The following NME2 variants were observed in gnomAD, a reference collection of about 807,000 sequenced individuals.
NME2 encodes the protein NME/NM23 nucleoside diphosphate kinase 2.
A neutral mutation model predicts 17.8 loss-of-function variants in NME2; 18 were observed. The observed-to-expected ratio is 1.01, with a 90% CI of 0.70 to 1.50. The LOEUF (loss-of-function observed/expected upper bound fraction) is 1.50, where lower values mean the gene tolerates loss of function less well. Ranked by LOEUF, NME2 falls within the 40% of genes most tolerant of loss-of-function variation. NME2 has a pLI of 0.00. For missense variants in NME2, 161 were observed against 195.6 expected, an observed-to-expected ratio of 0.82 and a Z score of 1.05; for synonymous variants, 74 against 71.4, an observed-to-expected ratio of 1.04 and a Z score of -0.19.
Position 51,166,921 on chromosome 17 carries a change from A to T in NME2, c.91A>T (p.Lys31Ter). 6.2e-7 allele frequency: 1 copy of T among 1,613,708 alleles called. No homozygotes were observed. The highest frequency in any genetic ancestry group is 8.5e-7 in the Non-Finnish European group (1 of 1,179,842). ...VGEIIKRFEQ[K>*]GFRLVAMKFL... The stretch of plus-strand genomic sequence containing the variant: ...CGAGATCATCAAGCGCTTCGAGCAG[A>T]AGGGATTCCGCCTCGTGGCCATGAA... Residue 31 changes from lysine (K) to a stop codon, truncating the protein, a stop_gained, in exon 2 of 5, where the codon AAG (lysine) becomes TAG (stop). Coordinates refer to ENST00000512737, the MANE Select transcript of NME2 (RefSeq NM_002512.4). LOFTEE classifies it high-confidence loss of function.
Position 51,170,005 on chromosome 17 carries a change from A to G in NME2, c.297A>G (p.Ser99=), listed in dbSNP as rs1390796445. 6.2e-7 allele frequency: 1 copy of G among 1,613,136 alleles called. No individual in the cohort carries two copies. The highest frequency in any genetic ancestry group is 1.3e-5 in the African/African-American group (1 of 74,880). The change falls in exon 4 of 5, where the codon TCA becomes TCG. Residue 99 remains serine (S), a synonymous_variant. Transcript: ENST00000512737. ...VMLGETNPAD[S]KPGTIRGDFC... ...TTGGGGAGACCAATCCAGCAGATTC[A>G]AAGCCAGGCACCATTCGTGGGGACT...
rs1598250062 is a variant in NME2 at position 51,168,465 on chromosome 17, G to C, written c.228+122G>C. ...TGGAACCTGCTGAAGTTACTTAACT[G>C]AGCAACTAGGAGCTTGGGAGGAGAA... is the stretch of plus-strand genomic sequence containing the variant. On this transcript the variant is annotated intron_variant, in intron 3 of 4. Transcript: ENST00000512737. The C allele has an allele frequency of 4.2e-6, 4 of 941,880 alleles. No individual in the cohort carries two copies. In the East Asian group the frequency reaches 1.1e-4, roughly 26 times the overall value. The allele number at this position is 941,880 out of a possible 1,614,324, so 58.3% of individuals were successfully genotyped here.
chr17:51,170,141 CCTT>C, intron 4 of NME2, 92 bp downstream of exon 4: 4 of 942,498 alleles, frequency 4.2e-6, no homozygotes, highest in East Asian at 6.4e-5. Flanking sequence ...GAATCTGTGC[CCTT>C]TTTTTTTTTT....
rs145873506 is a variant in NME2, at chr17:51,168,275, G to A, written c.160G>A (p.Asp54Asn). 1.2e-5 allele frequency: 20 copies of A among 1,613,784 alleles called. No individual in the cohort carries two copies. In the African/African-American group the frequency reaches 2.4e-4, roughly 19 times the overall value. Residue 54 changes from aspartate (D) to asparagine (N), a missense_variant, in exon 3 of 5, where the codon GAC becomes AAC. Physicochemically the swap from Asp to Asn is conservative, Grantham distance 23. Coordinates refer to ENST00000512737, the MANE Select transcript of NME2 (RefSeq NM_002512.4). Reference sequence around the variant, plus strand: ...AGAACACCTGAAGCAGCACTACATTGACCTGAAAGACCGACCATTCTTCCC... The same window carrying A: ...AGAACACCTGAAGCAGCACTACATTAACCTGAAAGACCGACCATTCTTCCC... Reference protein sequence around the residue: ...SEEHLKQHYIDLKDRPFFPGL... With the variant: ...SEEHLKQHYINLKDRPFFPGL...
At chr17:51,170,329 A>C (rs2050044517) in intron 4 of NME2, among the ~76,000 whole-genome samples, 1 of 151,066 alleles carries the variant, frequency 6.6e-6, no homozygotes, top group African/African-American at 2.4e-5. Context: ...TTTAGTAGAG[A>C]TGGTTTCACC....
upstream of NME2, among the ~76,000 whole-genome samples, chr17:51,166,115 C>CTGTGTGTGTGTGTG (rs34942810): frequency 6.7e-6 from 1 of 148,860 alleles, no homozygotes; most frequent in Admixed American, 6.7e-5. Flanking sequence ...GGAGCAGGTT[C>CTGTGTGTGTGTGTG]TGTGTGTGTG....
intron 2 of NME2, 90 bp downstream of exon 2, chr17:51,167,046 A>G: frequency 1.9e-6 from 3 of 1,603,282 alleles, no homozygotes; most frequent in Non-Finnish European, 2.6e-6. Context: ...CTGCTTTCCG[A>G]GTTCATTTCG....
intron 2 of NME2, 145 bp from the exon 3 acceptor site, chr17:51,168,087 GTGTGTGTATA>G (rs2049985103): frequency 4.3e-6 from 2 of 468,632 alleles, no homozygotes; most frequent in African/African-American, 2.0e-5. Context: ...AAATATTTAT[GTGTGTGTATA>G]TGTGTGTATA....
At chr17:51,171,198 T>C (rs184187922) in intron 4 of NME2, among the ~76,000 whole-genome samples, 1 of 152,302 alleles carries the variant, frequency 6.6e-6, no homozygotes, top group Non-Finnish European at 1.5e-5. Context: ...TTTTCCAAAA[T>C]TTGCGGAGGA....
At chr17:51,166,797 C>T in intron 1 of NME2, 30 bp from the exon 2 acceptor site, 1 of 1,584,024 alleles carries the variant, frequency 6.3e-7, no homozygotes, top group East Asian at 2.4e-5. Flanking sequence ...AGCCTGCGCC[C>T]GGGCCCTGAC....
rs765341356 is a variant in NME2 at position 51,166,969 on chromosome 17, C to T, written c.126+13C>T. The T allele has an allele frequency of 1.9e-6, 3 of 1,612,432 alleles. No homozygotes were observed. Among genetic ancestry groups the T allele is most frequent in the South Asian group, 1.1e-5 (1 of 91,020 alleles). On this transcript the variant is annotated intron_variant, in intron 2 of 4. Coordinates refer to ENST00000512737, the MANE Select transcript of NME2 (RefSeq NM_002512.4). ...GAAGTTCCTCCGGGTAACTCGCCCC[C>T]GTCTCCCCTTCCCCGCTGCAGCCGG...
At chr17:51,169,209 G>A (rs529575364) in intron 3 of NME2, among the ~76,000 whole-genome samples, 1 of 152,002 alleles carries the variant, frequency 6.6e-6, no homozygotes, top group Non-Finnish European at 1.5e-5. Context: ...TTGGGAGGCC[G>A]AGGTGGGTGC....
chr17:51,167,669 G>C (rs1330494692), intron 2 of NME2, among the ~76,000 whole-genome samples: 1 of 152,110 alleles, frequency 6.6e-6, no homozygotes, highest in African/African-American at 2.4e-5. Flanking sequence ...TAATGTCATT[G>C]ACGGTATGAG....
chr17:51,169,439 C>CA (rs35598805), intron 3 of NME2: 4,483 of 98,982 alleles, frequency 0.045, 195 homozygotes, highest in African/African-American at 0.13. Flanking sequence ...GACTCTGTCT[C>CA]AAAAAAAAAA....
chr17:51,169,934 G>A lies in NME2; in HGVS notation c.229-3G>A, dbSNP rs761043985. On this transcript the variant is annotated splice_region_variant and splice_polypyrimidine_tract_variant and intron_variant, in intron 3 of 4. Coordinates refer to ENST00000512737, the MANE Select transcript of NME2 (RefSeq NM_002512.4). ...ATTATAAATCCATTTTCACACTTTC[G>A]AGGTCTGGGAGGGGCTGAACGTGGT... 3.1e-6 allele frequency: 5 copies of A among 1,613,212 alleles called. No homozygotes were observed. The South Asian group carries it at 3.3e-5, about 11-fold the overall frequency.
In NME2 at chr17:51,166,969, C is replaced by G. The variant is rs765341356; in HGVS notation, c.126+13C>G. On this transcript the variant is annotated intron_variant, in intron 2 of 4. Coordinates refer to ENST00000512737, the MANE Select transcript of NME2 (RefSeq NM_002512.4). ...GAAGTTCCTCCGGGTAACTCGCCCC[C>G]GTCTCCCCTTCCCCGCTGCAGCCGG... is the stretch of plus-strand genomic sequence containing the variant. 6 of 1,612,432 alleles carry G rather than the reference C, an allele frequency of 3.7e-6. No homozygotes were observed. Among genetic ancestry groups the G allele is most frequent in the Non-Finnish European group, 5.1e-6 (6 of 1,179,340 alleles).
At position 51,170,057 on chromosome 17, in the gene NME2, C is replaced by G; in HGVS notation, c.341+8C>G. 1 of 1,602,466 alleles carries G rather than the reference C, an allele frequency of 6.2e-7. No homozygotes were observed. Among genetic ancestry groups the G allele is most frequent in the African/African-American group, 1.3e-5 (1 of 74,460 alleles). ...CTGCATTCAGGTTGGCAGGTAAGTC[C>G]GGGGACAGGAGGGTGGATGACTTTT... is the stretch of plus-strand genomic sequence containing the variant. On this transcript the variant is annotated splice_region_variant and intron_variant, in intron 4 of 4. Transcript: ENST00000512737.
intron 2 of NME2, chr17:51,167,293 C>G (rs528695292): frequency 1.4e-5 from 5 of 361,514 alleles, no homozygotes; most frequent in African/African-American, 2.2e-5. Context: ...CTCGGGTCCA[C>G]CTAGGCACAG....
In NME2 at chr17:51,166,868, C is replaced by T. The variant is rs767236870; in HGVS notation, c.38C>T (p.Pro13Leu). The part of the protein sequence containing the change: ...NLERTFIAIK[P>L]DGVQRGLVGE... The stretch of plus-strand genomic sequence containing the variant: ...GAGCGCACCTTCATCGCCATCAAGC[C>T]GGACGGCGTGCAGCGCGGCCTGGTG... Residue 13 changes from proline to leucine, a missense_variant, in exon 2 of 5, where the codon CCG becomes CTG. Pro to Leu is a moderately conservative substitution (Grantham distance 98). Transcript: ENST00000512737. The T allele has an allele frequency of 6.2e-7, 1 of 1,613,566 alleles. No homozygotes were observed. The highest frequency in any genetic ancestry group is 2.2e-5 in the East Asian group (1 of 44,830).
Sources: gnomAD v4.1 joint callset for allele counts (sites outside exome capture counted in the v4.1 genomes callset) on GRCh38, gnomAD v4.1.1 for gene constraint, MANE v1.5 for transcripts, NCBI Gene and HGNC (gene_info 2026-07-23, HGNC 2026-07-21) for gene names.